The following RAI1 variants were observed in gnomAD, a reference collection of about 807,000 sequenced individuals.
The protein encoded by RAI1 is retinoic acid-induced protein 1.
Under a neutral mutation model 123.8 loss-of-function variants are expected in RAI1, and 9 were observed. That is an observed-to-expected ratio of 0.07 (90% confidence interval 0.04 to 0.13). The LOEUF is 0.13. RAI1 is among the 10% of genes least tolerant of loss of function. The probability of loss-of-function intolerance (pLI) is 1.00; values close to 1 mark genes in which losing one functional copy is unlikely to be tolerated. For synonymous variants in RAI1, 1,231 were observed against 1,127.3 expected (o/e 1.09, Z -1.84); for missense variants, 2,256 against 2,545.8 (o/e 0.89, Z 2.45).
chr17:17,807,272 T>C (rs1472059707), intron 4 of RAI1, among the ~76,000 whole-genome samples: 1 of 131,422 alleles, frequency 7.6e-6, no homozygotes, highest in African/African-American at 2.9e-5. Context: ...GGGGTGGGAG[T>C]GAGAGGGCAC....
chr17:17,780,725 A>G (rs1443844256), intron 2 of RAI1, among the ~76,000 whole-genome samples: 1 of 148,390 alleles, frequency 6.7e-6, no homozygotes, highest in Non-Finnish European at 1.5e-5. Context: ...TGCTGCAGTT[A>G]CACGGCTCCA....
At chr17:17,760,911 T>C (rs1268689704) in intron 2 of RAI1, among the ~76,000 whole-genome samples, 1 of 152,212 alleles carries the variant, frequency 6.6e-6, no homozygotes, top group African/African-American at 2.4e-5. Flanking sequence ...CTATAGGTGA[T>C]GGGCGTAGAG....
Position 17,794,903 on chromosome 17 carries a change from C to T in RAI1, c.1955C>T (p.Ser652Phe). 1 of 1,613,560 alleles carries T rather than the reference C, an allele frequency of 6.2e-7. No homozygotes were observed. The change falls in exon 3 of 6, where the codon TCT (serine) becomes TTT (phenylalanine). Residue 652 changes from serine (S) to phenylalanine (F), a missense_variant. Ser to Phe is a radical substitution (Grantham distance 155, BLOSUM62 -2). Coordinates refer to ENST00000353383, the MANE Select transcript of RAI1 (RefSeq NM_030665.4). ...SLENHSACLD[S>F]VAKSAWPRPG... is the part of the protein sequence containing the mutation. ...GAGAACCACAGCGCCTGCCTGGACT[C>T]TGTGGCCAAGAGTGCGTGGCCCCGG...
rs767346931 is a variant in RAI1 at position 17,803,824 on chromosome 17, C to T, written c.5634C>T (p.Tyr1878=). 2 of 1,613,494 alleles carry T rather than the reference C, an allele frequency of 1.2e-6. No individual in the cohort carries two copies. The highest frequency in any genetic ancestry group is 1.7e-6 in the Non-Finnish European group (2 of 1,179,966). The change falls in exon 4 of 6, where the codon TAC becomes TAT. Residue 1878 remains tyrosine (Y), a synonymous_variant. Coordinates refer to ENST00000353383, the MANE Select transcript of RAI1 (RefSeq NM_030665.4). ...GCCACAAAGGATGCCTCCACACCTA[C>T]CACTACCCGTGTGCCAGCGATGCAG... The part of the protein sequence containing the change: ...GCCHKGCLHT[Y]HYPCASDAGC...
At chr17:17,693,923 T>C (rs968811938) in intron 1 of RAI1, among the ~76,000 whole-genome samples, 3 of 152,090 alleles carry the variant, frequency 2.0e-5, no homozygotes, top group Non-Finnish European at 4.4e-5. Flanking sequence ...CCTGGCCGAG[T>C]CCCAGCTCTG....
At chr17:17,760,833 C>T (rs2030663004) in intron 2 of RAI1, among the ~76,000 whole-genome samples, 1 of 152,050 alleles carries the variant, frequency 6.6e-6, no homozygotes, top group African/African-American at 2.4e-5. Flanking sequence ...AGGAAGAAGC[C>T]CCCACCTCCT....
intron 2 of RAI1, among the ~76,000 whole-genome samples, chr17:17,735,554 AC>A (rs891449837): frequency 3.3e-5 from 5 of 151,370 alleles, no homozygotes; most frequent in Non-Finnish European, 7.4e-5. Context: ...TCGGGGTTTC[AC>A]CATGTTGGTC....
At chr17:17,771,263 C>T (rs551090122) in intron 2 of RAI1, among the ~76,000 whole-genome samples, 21 of 152,148 alleles carry the variant, frequency 1.4e-4, no homozygotes, top group Non-Finnish European at 2.4e-4. Context: ...GTTAGAATTC[C>T]ATCCATCCAT....
intron 1 of RAI1, among the ~76,000 whole-genome samples, chr17:17,695,530 TC>T (rs754258775): frequency 8.9e-6 from 1 of 112,320 alleles, no homozygotes; most frequent in African/African-American, 3.1e-5. Context: ...TTTCTCTCTC[TC>T]TTTTTTTTTT....
intron 2 of RAI1, among the ~76,000 whole-genome samples, chr17:17,784,045 A>C (rs1256262767): frequency 6.6e-6 from 1 of 152,100 alleles, no homozygotes; most frequent in Non-Finnish European, 1.5e-5. Flanking sequence ...CCTTAATAAT[A>C]AAATTATACC....
In RAI1 at chr17:17,761,116, A is replaced by C. The variant is rs115370676; in HGVS notation, c.-16-31817A>C. 3.2e-3 allele frequency among the ~76,000 whole-genome samples: 491 copies of C among 152,330 alleles called. 7 individuals carry two copies. The highest frequency in any genetic ancestry group is 0.03 in the East Asian group (154 of 5,182). ...TGTCCTCTCTGTGCTCAGAGTCCTC[A>C]TCTTTACAGTGGAAATGATAATGAT... On this transcript the variant is annotated intron_variant, in intron 2 of 5. Coordinates refer to ENST00000353383, the MANE Select transcript of RAI1 (RefSeq NM_030665.4).
At chr17:17,738,731 C>CT (rs1201287805) in intron 2 of RAI1, among the ~76,000 whole-genome samples, 9 of 152,220 alleles carry the variant, frequency 5.9e-5, no homozygotes, top group Admixed American at 2.6e-4. Context: ...GCTGTACTCA[C>CT]TGGACCCTGA....
At position 17,793,721 on chromosome 17, in the gene RAI1, C is replaced by G. The variant is rs2032112137; in HGVS notation, c.773C>G (p.Ala258Gly). ...DRPLTASSSLAPGQRVQNLHA... is the reference protein window; with the variant it reads ...DRPLTASSSLGPGQRVQNLHA... ...CCGCTGACTGCCAGCTCCAGCCTGGCCCCGGGGCAGCGGGTCCAGAATCTT... is the reference window on the plus strand; with the variant it reads ...CCGCTGACTGCCAGCTCCAGCCTGGGCCCGGGGCAGCGGGTCCAGAATCTT... Residue 258 changes from alanine to glycine, a missense_variant, in exon 3 of 6, where the codon GCC becomes GGC. By Grantham distance (60) the Ala-to-Gly change is moderately conservative (BLOSUM62 0). Transcript: ENST00000353383. 1 of 1,612,872 alleles carries G rather than the reference C, an allele frequency of 6.2e-7. No homozygotes were observed. The highest frequency in any genetic ancestry group is 1.3e-5 in the African/African-American group (1 of 74,916).
Position 17,797,840 on chromosome 17 carries a change from C to T in RAI1, c.4892C>T (p.Ala1631Val). The change falls in exon 3 of 6, where the codon GCC (alanine) becomes GTC (valine). Residue 1631 changes from alanine to valine, a missense_variant. This residue lies in a region of RAI1 where 410 missense variants were observed against 374.6 expected (regional missense o/e 1.09). Coordinates refer to ENST00000353383, the MANE Select transcript of RAI1 (RefSeq NM_030665.4). ...CCCCACAGGAAGCCTTCCTCCTCTGCCTCCTCTTCCTCATCCTCGTCCTCG... is the reference window on the plus strand; with the variant it reads ...CCCCACAGGAAGCCTTCCTCCTCTGTCTCCTCTTCCTCATCCTCGTCCTCG... ...PKPHRKPSSS[A>V]SSSSSSSSFS... The T allele has an allele frequency of 1.2e-6, 2 of 1,614,048 alleles. No individual in the cohort carries two copies. The highest frequency in any genetic ancestry group is 1.7e-6 in the Non-Finnish European group (2 of 1,180,006).
At position 17,761,845 on chromosome 17, in the gene RAI1, G is replaced by A. The variant is rs1427054768; in HGVS notation, c.-16-31088G>A. On this transcript the variant is annotated intron_variant, in intron 2 of 5. Transcript: ENST00000353383. ...ATCTGAGCAGGGAACACAGTTGAGT[G>A]GGAGAAAGGTGGTGGTCACTGAGGA... is the stretch of plus-strand genomic sequence containing the variant. Among the ~76,000 whole-genome samples the A allele has an allele frequency of 1.3e-5, 2 of 152,168 alleles. 1 individual carries two copies. Among genetic ancestry groups the A allele is most frequent in the East Asian group, 3.9e-4 (2 of 5,184 alleles).
chr17:17,808,357 A>T lies in RAI1; in HGVS notation c.5660-1033A>T, dbSNP rs1045045036. The stretch of plus-strand genomic sequence containing the variant: ...CACATGTGCAGGGTGGTTTATTTTT[A>T]AATTTTATTTTATTTTATATTTTAT... On this transcript the variant is annotated intron_variant, in intron 4 of 5. Coordinates refer to ENST00000353383, the MANE Select transcript of RAI1 (RefSeq NM_030665.4). Among the ~76,000 whole-genome samples the T allele has an allele frequency of 2.7e-5, 4 of 148,242 alleles. No homozygotes were observed. In the South Asian group the frequency reaches 6.5e-4, roughly 24 times the overall value.
At position 17,800,866 on chromosome 17, in the gene RAI1, A is replaced by T. The variant is rs2032438747; in HGVS notation, c.5565+2353A>T. Among the ~76,000 whole-genome samples the T allele has an allele frequency of 6.6e-6, 1 of 152,184 alleles. No homozygotes were observed. The highest frequency in any genetic ancestry group is 2.1e-4 in the South Asian group (1 of 4,828). On this transcript the variant is annotated intron_variant, in intron 3 of 5. Coordinates refer to ENST00000353383, the MANE Select transcript of RAI1 (RefSeq NM_030665.4). The surrounding 1 kb of genome is among the most constrained non-coding windows in gnomAD (Gnocchi z 4.7). ...CTCCTTGGAGTGAGACCCTGGTTCA[A>T]ATCCCAGCTCTGCCGAGGGCTGGTT...
rs1477364782 is a variant in RAI1 at position 17,799,699 on chromosome 17, G to C, written c.5565+1186G>C. Among the ~76,000 whole-genome samples, 1 of 152,188 alleles carries C rather than the reference G, an allele frequency of 6.6e-6. No individual in the cohort carries two copies. On this transcript the variant is annotated intron_variant, in intron 3 of 5. Coordinates refer to ENST00000353383, the MANE Select transcript of RAI1 (RefSeq NM_030665.4). This position sits in a 1 kb window ranked among gnomAD's most constrained non-coding sequence, Gnocchi z 4.5. The stretch of plus-strand genomic sequence containing the variant: ...CTTGGCAGGGGTCTCCAGAGGCCCT[G>C]GACAAACACTGCCTGCATCTGAGTG...
chr17:17,808,381 A>G (rs2032636118), intron 4 of RAI1, among the ~76,000 whole-genome samples: 2 of 136,486 alleles, frequency 1.5e-5, no homozygotes, highest in South Asian at 5.0e-4. Flanking sequence ...TTTATATTTT[A>G]TTTTATTATT....
Sources: allele counts gnomAD v4.1 joint callset (sites outside exome capture counted in the v4.1 genomes callset), GRCh38; gene constraint gnomAD v4.1.1; regional missense constraint gnomAD v4.1.1; non-coding constraint Gnocchi (gnomAD v3.1); transcripts MANE v1.5; gene names NCBI Gene and HGNC (gene_info 2026-07-23, HGNC 2026-07-21).